Variants in ST8SIA6 observed in about 807,000 individuals in gnomAD.
ST8SIA6 encodes ST8 alpha-N-acetyl-neuraminide alpha-2,8-sialyltransferase 6.
A neutral mutation model predicts 33.6 loss-of-function variants in ST8SIA6; 39 were observed. The ratio of observed to expected loss-of-function variants is 1.16; its 90% CI spans 0.90 to 1.52. ST8SIA6 has a LOEUF of 1.52. Ranked by LOEUF, ST8SIA6 falls within the 40% of genes most tolerant of loss-of-function variation. The probability of loss-of-function intolerance (pLI) is 0.00; values close to 1 mark genes in which losing one functional copy is unlikely to be tolerated. For missense variants in ST8SIA6, 441 were observed against 443.8 expected (o/e 0.99, Z 0.06); for synonymous variants, 172 against 167.2 (o/e 1.03, Z -0.22).
At chr10:17,364,166 A>G (rs545281481) in intron 3 of ST8SIA6, among the ~76,000 whole-genome samples, 45 of 152,366 alleles carry the variant, frequency 3.0e-4, no homozygotes, top group African/African-American at 1.1e-3. Flanking sequence ...GAACATTAAA[A>G]TTGCCATCCA....
chr10:17,398,186 G>T (rs764018636), intron 2 of ST8SIA6, among the ~76,000 whole-genome samples: 1 of 152,140 alleles, frequency 6.6e-6, no homozygotes, highest in Non-Finnish European at 1.5e-5. Flanking sequence ...AATTAGCTAG[G>T]CATGGTGGCG....
At chr10:17,352,489 T>C (rs531258746) in intron 4 of ST8SIA6, among the ~76,000 whole-genome samples, 1 of 152,276 alleles carries the variant, frequency 6.6e-6, no homozygotes, top group Admixed American at 6.5e-5. Context: ...GTGTAAACAA[T>C]GTAATGTACC....
chr10:17,340,425 C>T (rs567447453), intron 4 of ST8SIA6, among the ~76,000 whole-genome samples: 1 of 152,186 alleles, frequency 6.6e-6, no homozygotes, highest in Non-Finnish European at 1.5e-5. Context: ...CTCACCCCGC[C>T]ACTCTGGCTC....
intron 2 of ST8SIA6, among the ~76,000 whole-genome samples, chr10:17,391,030 G>T (rs1564440170): frequency 6.6e-6 from 1 of 151,368 alleles, no homozygotes; most frequent in Non-Finnish European, 1.5e-5. Context: ...AGCTAATTTT[G>T]TATTTTTAGT....
At chr10:17,377,622 C>T (rs1849961269) in intron 3 of ST8SIA6, among the ~76,000 whole-genome samples, 1 of 152,120 alleles carries the variant, frequency 6.6e-6, no homozygotes, top group African/African-American at 2.4e-5. Flanking sequence ...CACTTGTTCT[C>T]CTAATGGCAA....
chr10:17,321,040 G>C lies in ST8SIA6; in HGVS notation c.1035C>G (p.Pro345=). The part of the protein sequence containing the change: ...CKNVKLYGFW[P]FSKTVEDIPV... The stretch of plus-strand genomic sequence containing the variant: ...GTATGTCTTCTACAGTTTTAGAGAA[G>C]GGCCAGAATCCATACAGCTTCACAT... Residue 345 remains proline, a synonymous_variant, in exon 8 of 8, where the codon CCC becomes CCG. Transcript: ENST00000377602. The C allele has an allele frequency of 6.2e-7, 1 of 1,613,998 alleles. No individual in the cohort carries two copies. The highest frequency in any genetic ancestry group is 8.5e-7 in the Non-Finnish European group (1 of 1,179,968).
At chr10:17,346,232 G>A (rs1848828301) in intron 4 of ST8SIA6, among the ~76,000 whole-genome samples, 1 of 152,186 alleles carries the variant, frequency 6.6e-6, no homozygotes, top group African/African-American at 2.4e-5. Context: ...ACTGACATGT[G>A]AGCGTCACAT....
At chr10:17,360,746 AG>A (rs1378770760) in intron 3 of ST8SIA6, among the ~76,000 whole-genome samples, 1 of 152,070 alleles carries the variant, frequency 6.6e-6, no homozygotes, top group Non-Finnish European at 1.5e-5. Context: ...GCAGAAAAAG[AG>A]GGAAGGGAAC....
chr10:17,451,757 G>T (rs1311513845), intron 2 of ST8SIA6, among the ~76,000 whole-genome samples: 2 of 152,054 alleles, frequency 1.3e-5, no homozygotes, highest in African/African-American at 2.4e-5. Context: ...TAGTATGGTG[G>T]ATTAAAACTT....
chr10:17,342,721 C>A (rs552681205), intron 4 of ST8SIA6, among the ~76,000 whole-genome samples: 3 of 152,082 alleles, frequency 2.0e-5, no homozygotes, highest in African/African-American at 7.2e-5. Context: ...GAGGCCAAGG[C>A]GGATGGATCA....
chr10:17,347,706 C>A (rs777468337), intron 4 of ST8SIA6, among the ~76,000 whole-genome samples: 2 of 152,050 alleles, frequency 1.3e-5, no homozygotes, highest in Non-Finnish European at 2.9e-5. Flanking sequence ...CCTGCCAAAG[C>A]GGGTGGATCA....
At chr10:17,443,655 GA>G (rs1852586602) in intron 2 of ST8SIA6, among the ~76,000 whole-genome samples, 1 of 152,180 alleles carries the variant, frequency 6.6e-6, no homozygotes, top group Admixed American at 6.5e-5. Context: ...AGTACTTGGT[GA>G]AAAATCATAA....
At chr10:17,325,145 G>A (rs1848085262) in intron 6 of ST8SIA6, among the ~76,000 whole-genome samples, 1 of 140,292 alleles carries the variant, frequency 7.1e-6, no homozygotes. Flanking sequence ...TTTATAAAAT[G>A]TATGCATATT....
At chr10:17,453,069 A>T (rs1176526632) in intron 2 of ST8SIA6, among the ~76,000 whole-genome samples, 1 of 152,170 alleles carries the variant, frequency 6.6e-6, no homozygotes, top group African/African-American at 2.4e-5. Context: ...ATGAATAAAA[A>T]CACATGTGAA....
At chr10:17,429,008 G>C (rs889027521) in intron 2 of ST8SIA6, among the ~76,000 whole-genome samples, 1 of 151,960 alleles carries the variant, frequency 6.6e-6, no homozygotes, top group African/African-American at 2.4e-5. Context: ...TGTTGTGTGT[G>C]GGGATTCATG....
intron 4 of ST8SIA6, among the ~76,000 whole-genome samples, chr10:17,350,672 C>G (rs988054507): frequency 2.7e-5 from 4 of 150,756 alleles, no homozygotes; most frequent in Non-Finnish European, 5.9e-5. Context: ...AGCAACACTT[C>G]TATACCTCAG....
intron 3 of ST8SIA6, among the ~76,000 whole-genome samples, chr10:17,387,418 A>C (rs1002748704): frequency 2.1e-5 from 2 of 96,690 alleles, no homozygotes; most frequent in African/African-American, 8.4e-5. Context: ...CACCCAGCTC[A>C]TTTTGTGTTT....
At chr10:17,393,383 T>C (rs1201511962) in intron 2 of ST8SIA6, among the ~76,000 whole-genome samples, 1 of 152,220 alleles carries the variant, frequency 6.6e-6, no homozygotes, top group Non-Finnish European at 1.5e-5. Context: ...CTCTGACTAA[T>C]ACAGGGATCC....
chr10:17,390,731 C>A (rs1046266193), intron 2 of ST8SIA6, 111 bp from the exon 3 acceptor site: 5 of 746,160 alleles, frequency 6.7e-6, no homozygotes, highest in Non-Finnish European at 4.2e-6. Flanking sequence ...GAAGTCTCAT[C>A]TTTACTCCAT....
Sources: allele counts gnomAD v4.1 joint callset (sites outside exome capture counted in the v4.1 genomes callset), GRCh38; gene constraint gnomAD v4.1.1; transcripts MANE v1.5; gene names NCBI Gene and HGNC (gene_info 2026-07-23, HGNC 2026-07-21).